The following MMRN1 variants were observed in gnomAD, a reference collection of about 807,000 sequenced individuals.
The protein encoded by MMRN1 is multimerin-1.
In MMRN1, 94 loss-of-function variants were observed where a neutral mutation model predicts 100.7. That is an observed-to-expected ratio of 0.93 (90% CI 0.79 to 1.11). MMRN1 has a LOEUF of 1.11. MMRN1 is among the 50% of genes least tolerant of loss of function. MMRN1 has a pLI of 0.00. For synonymous variants in MMRN1, 575 were observed against 505.0 expected (o/e 1.14, Z -1.86); for missense variants, 1,606 against 1,439.1 (o/e 1.12, Z -1.88).
chr4:89,950,174 C>T (rs1355992942), intron 6 of MMRN1, among the ~76,000 whole-genome samples: 2 of 152,134 alleles, frequency 1.3e-5, no homozygotes, highest in Admixed American at 6.5e-5. Flanking sequence ...GAGAATCTAC[C>T]TCATTCTTTA....
intron 4 of MMRN1, among the ~76,000 whole-genome samples, chr4:89,925,695 T>C (rs1722233574): frequency 6.6e-6 from 1 of 151,808 alleles, no homozygotes; most frequent in African/African-American, 2.4e-5. Context: ...CCACACGTGG[T>C]GGCATGCACC....
intron 6 of MMRN1, among the ~76,000 whole-genome samples, chr4:89,944,006 G>A (rs1406278424): frequency 6.6e-6 from 1 of 151,736 alleles, no homozygotes; most frequent in Non-Finnish European, 1.5e-5. Flanking sequence ...GATAGTGAAA[G>A]ATATACCTAT....
At chr4:89,907,472 G>T (rs562591930) in intron 1 of MMRN1, among the ~76,000 whole-genome samples, 1 of 151,492 alleles carries the variant, frequency 6.6e-6, no homozygotes, top group African/African-American at 2.4e-5. Context: ...GTTTTACTTT[G>T]TGTTTATCCT....
rs1235958769 is a variant in MMRN1 at position 89,935,575 on chromosome 4, T to C, written c.1895T>C (p.Met632Thr). Residue 632 changes from methionine to threonine, a missense_variant, in exon 6 of 8, where the codon ATG becomes ACG. By Grantham distance (81) the Met-to-Thr change is moderately conservative (BLOSUM62 -1). Coordinates refer to ENST00000264790, the MANE Select transcript of MMRN1 (RefSeq NM_007351.3). ...GTTCTCTTTCCAATGGACAATAAGATGGACAAAATGAGTGAGCAACTAAAT... is the reference window on the plus strand; with the variant it reads ...GTTCTCTTTCCAATGGACAATAAGACGGACAAAATGAGTGAGCAACTAAAT... ...AEVLFPMDNK[M>T]DKMSEQLNDL... 6.2e-7 allele frequency: 1 copy of C among 1,613,534 alleles called. No individual in the cohort carries two copies. The highest frequency in any genetic ancestry group is 1.7e-5 in the Admixed American group (1 of 59,948).
At chr4:89,908,955 C>A (rs1003116689) in intron 1 of MMRN1, among the ~76,000 whole-genome samples, 12 of 151,304 alleles carry the variant, frequency 7.9e-5, no homozygotes, top group Non-Finnish European at 1.8e-4. Context: ...TATCTCAGTA[C>A]TAATATTAAT....
rs202123771 is a variant in MMRN1 at position 89,895,147 on chromosome 4, G to A, written c.176G>A (p.Arg59Gln). ...AGTTTGCAAATACTGCCAACCACTCGGGTCATGTCGGCGGAGATAGCTACA... is the reference window on the plus strand; with the variant it reads ...AGTTTGCAAATACTGCCAACCACTCAGGTCATGTCGGCGGAGATAGCTACA... ...IQSLQILPTT[R>Q]VMSAEIATTP... is the part of the protein sequence containing the mutation. The change falls in exon 1 of 8, where the codon CGG becomes CAG. Residue 59 changes from arginine (R) to glutamine (Q), a missense_variant. By Grantham distance (43) the Arg-to-Gln change is conservative. Transcript: ENST00000264790. 70 of 1,613,782 alleles carry A rather than the reference G, an allele frequency of 4.3e-5. No individual in the cohort carries two copies. Among genetic ancestry groups the A allele is most frequent in the Middle Eastern group, 3.3e-4 (2 of 6,060 alleles).
At position 89,894,968 on chromosome 4, in the gene MMRN1, T is replaced by C. The variant is rs370351410; in HGVS notation, c.-4T>C. On this transcript the variant is annotated 5_prime_UTR_variant, in exon 1 of 8. It removes the in-frame stop codon of an upstream open reading frame in the 5' UTR. Transcript: ENST00000264790. ...CATGAGCTACCTTGCTTCAAACTAC[T>C]GAGATGAAGGGGGCAAGATTATTTG... 2 of 1,602,588 alleles carry C rather than the reference T, an allele frequency of 1.2e-6. No individual in the cohort carries two copies. Among genetic ancestry groups the C allele is most frequent in the African/African-American group, 2.7e-5 (2 of 74,612 alleles).
intron 3 of MMRN1, among the ~76,000 whole-genome samples, chr4:89,922,946 AT>A (rs143149681): frequency 0.057 from 8,416 of 147,542 alleles, 295 homozygotes; most frequent in African/African-American, 0.093. Context: ...GAATAATTTT[AT>A]TTTTTTTTCC....
chr4:89,927,179 C>T (rs28869330), intron 4 of MMRN1, among the ~76,000 whole-genome samples: 1 of 151,184 alleles, frequency 6.6e-6, no homozygotes, highest in Non-Finnish European at 1.5e-5. Context: ...TGAAGAATGT[C>T]ATTAGTGTTT....
intron 4 of MMRN1, among the ~76,000 whole-genome samples, chr4:89,924,727 C>T (rs182401480): frequency 1.7e-4 from 26 of 152,056 alleles, no homozygotes; most frequent in Admixed American, 1.3e-3. Context: ...GCCTGTAATC[C>T]TAGCTACTTG....
intron 1 of MMRN1, among the ~76,000 whole-genome samples, chr4:89,906,454 A>G (rs1243855998): frequency 6.6e-6 from 1 of 151,548 alleles, no homozygotes; most frequent in African/African-American, 2.4e-5. Flanking sequence ...ACCCTGAAAG[A>G]GAATCCCAAA....
chr4:89,945,981 T>C (rs952415331), intron 6 of MMRN1, among the ~76,000 whole-genome samples: 5 of 152,172 alleles, frequency 3.3e-5, no homozygotes, highest in African/African-American at 1.2e-4. Flanking sequence ...TGTTAGTAAT[T>C]AGAGCAATGC....
chr4:89,943,393 T>C (rs914755979), intron 6 of MMRN1, among the ~76,000 whole-genome samples: 3 of 152,164 alleles, frequency 2.0e-5, no homozygotes, highest in African/African-American at 7.2e-5. Context: ...AATGTGAAAT[T>C]GCAGATTTAC....
intron 6 of MMRN1, among the ~76,000 whole-genome samples, chr4:89,943,149 A>C (rs1292440296): frequency 6.6e-6 from 1 of 152,174 alleles, no homozygotes; most frequent in African/African-American, 2.4e-5. Flanking sequence ...GAGGATAAGC[A>C]CATCTGATGT....
chr4:89,886,908 G>T lies in MMRN1; in HGVS notation c.-249+7306G>T, dbSNP rs78466068. On this transcript the variant is annotated intron_variant, in intron 1 of 8. Coordinates refer to the MMRN1 transcript ENST00000394980. ...ATTTTGAAATATACAATGAACTATT[G>T]TGAACTATAGTCACCCTATTGTGCT... 7.9e-3 allele frequency among the ~76,000 whole-genome samples: 1,196 copies of T among 152,024 alleles called. 24 individuals carry two copies. Among genetic ancestry groups the T allele is most frequent in the African/African-American group, 0.028 (1,141 of 41,486 alleles).
chr4:89,934,541 A>G (rs1190068740), intron 5 of MMRN1, among the ~76,000 whole-genome samples: 1 of 152,160 alleles, frequency 6.6e-6, no homozygotes, highest in Admixed American at 6.6e-5. Context: ...TAGTTCCGTC[A>G]TGTCTTTCAT....
At chr4:89,929,835 C>A (rs1463817279) in intron 5 of MMRN1, among the ~76,000 whole-genome samples, 1 of 152,136 alleles carries the variant, frequency 6.6e-6, no homozygotes, top group Non-Finnish European at 1.5e-5. Context: ...CCTAGCGAAA[C>A]CACAGCTTCC....
At chr4:89,941,925 C>T (rs1247697470) in intron 6 of MMRN1, among the ~76,000 whole-genome samples, 1 of 152,092 alleles carries the variant, frequency 6.6e-6, no homozygotes, top group South Asian at 2.1e-4. Context: ...AGAACAGACT[C>T]CCCCAGATTT....
At position 89,895,425 on chromosome 4, in the gene MMRN1, C is replaced by A; in HGVS notation, c.454C>A (p.Gln152Lys). Reference sequence around the variant, plus strand: ...GAGCTTTGCCAGAAAGTCAAATGAACAAGCAACTTCTCTAAACACAGTTGG... The same window carrying A: ...GAGCTTTGCCAGAAAGTCAAATGAAAAAGCAACTTCTCTAAACACAGTTGG... ...LQSFARKSNE[Q>K]ATSLNTVGGT... is the part of the protein sequence containing the mutation. The change falls in exon 1 of 8, where the codon CAA becomes AAA. Residue 152 changes from glutamine (Q) to lysine (K), a missense_variant. By Grantham distance (53) the Gln-to-Lys change is moderately conservative (BLOSUM62 1). Transcript: ENST00000264790. 1 of 1,613,878 alleles carries A rather than the reference C, an allele frequency of 6.2e-7. No homozygotes were observed. The highest frequency in any genetic ancestry group is 8.5e-7 in the Non-Finnish European group (1 of 1,179,924).
Sources: allele counts gnomAD v4.1 joint callset (sites outside exome capture counted in the v4.1 genomes callset), GRCh38; gene constraint gnomAD v4.1.1; transcripts MANE v1.5; gene names NCBI Gene and HGNC (gene_info 2026-07-23, HGNC 2026-07-21).